Variants in PPA2 observed in about 807,000 individuals in gnomAD.
PPA2 encodes inorganic pyrophosphatase 2.
In PPA2, 48 loss-of-function variants were observed where a neutral mutation model predicts 49.5. That is an observed-to-expected ratio of 0.97 (90% CI 0.77 to 1.23). The LOEUF (loss-of-function observed/expected upper bound fraction) is 1.23. PPA2 is among the 50% of genes most tolerant of loss of function. The pLI is 0.00. For synonymous variants in PPA2, 131 were observed against 139.9 expected (o/e 0.94, Z 0.45); for missense variants, 429 against 410.1 (o/e 1.05, Z -0.40).
At chr4:105,401,061 T>C (rs1005382045) in intron 7 of PPA2, among the ~76,000 whole-genome samples, 1 of 152,146 alleles carries the variant, frequency 6.6e-6, no homozygotes, top group South Asian at 2.1e-4. Flanking sequence ...CAAATTCTTA[T>C]ATCCAATGCC....
At chr4:105,375,483 A>T (rs935338441) in intron 10 of PPA2, among the ~76,000 whole-genome samples, 1 of 152,112 alleles carries the variant, frequency 6.6e-6, no homozygotes, top group Non-Finnish European at 1.5e-5. Context: ...TTGTAGTGTG[A>T]TCTTACTAGA....
intron 1 of PPA2, among the ~76,000 whole-genome samples, chr4:105,464,241 T>C (rs1275137304): frequency 1.3e-5 from 2 of 152,178 alleles, no homozygotes; most frequent in Non-Finnish European, 2.9e-5. Flanking sequence ...ATTTGGAGCT[T>C]TAATATTTGA....
chr4:105,400,664 G>A (rs751525250), intron 7 of PPA2, among the ~76,000 whole-genome samples: 3 of 152,064 alleles, frequency 2.0e-5, no homozygotes, highest in Admixed American at 6.6e-5. Flanking sequence ...TGACTTCATC[G>A]TTGTACCTTA....
intron 10 of PPA2, among the ~76,000 whole-genome samples, chr4:105,381,227 A>G (rs1733476269): frequency 1.3e-5 from 2 of 151,722 alleles, no homozygotes; most frequent in Non-Finnish European, 2.9e-5. Flanking sequence ...ATTTTTTTCT[A>G]CTGGGTTATC....
At chr4:105,430,505 G>A (rs1428154822) in intron 6 of PPA2, among the ~76,000 whole-genome samples, 3 of 152,138 alleles carry the variant, frequency 2.0e-5, no homozygotes, top group Admixed American at 6.5e-5. Flanking sequence ...CCCCAGGGCC[G>A]AACAGCATAT....
chr4:105,430,760 G>C (rs980766212), intron 6 of PPA2, among the ~76,000 whole-genome samples: 2 of 152,166 alleles, frequency 1.3e-5, no homozygotes, highest in African/African-American at 4.8e-5. Flanking sequence ...GATAAGGGTA[G>C]TGAAATATTT....
At chr4:105,434,782 A>T (rs1432981258) in intron 6 of PPA2, among the ~76,000 whole-genome samples, 1 of 152,208 alleles carries the variant, frequency 6.6e-6, no homozygotes, top group Non-Finnish European at 1.5e-5. Flanking sequence ...CCTCAGAATG[A>T]GACACACTCT....
intron 7 of PPA2, among the ~76,000 whole-genome samples, chr4:105,408,699 A>C (rs1236636119): frequency 6.6e-6 from 1 of 152,232 alleles, no homozygotes; most frequent in African/African-American, 2.4e-5. Flanking sequence ...AAAAATGGCA[A>C]AATTCCAAGT....
intron 7 of PPA2, among the ~76,000 whole-genome samples, chr4:105,421,275 A>C (rs900658610): frequency 2.0e-5 from 3 of 152,226 alleles, no homozygotes; most frequent in African/African-American, 7.2e-5. Flanking sequence ...GCATAAATTA[A>C]GAAATATAAG....
At chr4:105,377,686 G>A (rs1016766727) in intron 10 of PPA2, among the ~76,000 whole-genome samples, 6 of 151,910 alleles carry the variant, frequency 3.9e-5, no homozygotes, top group African/African-American at 1.5e-4. Flanking sequence ...TTTCTCCATG[G>A]CTCTTATAAA....
At position 105,369,573 on chromosome 4, in the gene PPA2, T is replaced by A; in HGVS notation, c.*152A>T. On this transcript the variant is annotated 3_prime_UTR_variant, in exon 12 of 12. Transcript: ENST00000341695. ...TGTCCAAAGGAGAGTAATTTAAAATTCTTACTGTTTATTTATATATTGCAT... is the reference window on the plus strand; with the variant it reads ...TGTCCAAAGGAGAGTAATTTAAAATACTTACTGTTTATTTATATATTGCAT... 1.5e-6 allele frequency: 1 copy of A among 655,444 alleles called. No homozygotes were observed. Among genetic ancestry groups the A allele is most frequent in the Non-Finnish European group, 2.6e-6 (1 of 386,222 alleles). The allele number at this position is 655,444 out of a possible 1,614,324, so 40.6% of individuals were successfully genotyped here.
chr4:105,406,730 T>C (rs1440648875), intron 7 of PPA2, among the ~76,000 whole-genome samples: 1 of 152,120 alleles, frequency 6.6e-6, no homozygotes, highest in Admixed American at 6.6e-5. Context: ...TTTTGCAACC[T>C]GAGAATATTG....
intron 3 of PPA2, among the ~76,000 whole-genome samples, chr4:105,451,289 C>G (rs1722667126): frequency 6.6e-6 from 1 of 152,064 alleles, no homozygotes; most frequent in Admixed American, 6.6e-5. Flanking sequence ...GCTATTTACA[C>G]AATTAAATGT....
chr4:105,453,550 A>T, intron 3 of PPA2, 48 bp downstream of exon 3: 1 of 1,384,846 alleles, frequency 7.2e-7, no homozygotes, highest in Admixed American at 2.1e-5. Flanking sequence ...AAGGTATTTA[A>T]CAGACAATAT....
chr4:105,401,557 T>A (rs1722194282), intron 7 of PPA2, among the ~76,000 whole-genome samples: 1 of 152,156 alleles, frequency 6.6e-6, no homozygotes, highest in African/African-American at 2.4e-5. Context: ...TTGTAGGACA[T>A]CTTTGATTAG....
chr4:105,423,680 A>C (rs1172252743), intron 7 of PPA2, among the ~76,000 whole-genome samples: 1 of 152,162 alleles, frequency 6.6e-6, no homozygotes, highest in Admixed American at 6.5e-5. Context: ...AGAACTTAAA[A>C]TTTCTAGGAC....
intron 5 of PPA2, chr4:105,446,134 AT>A (rs550494285): frequency 7.2e-4 from 232 of 321,064 alleles, no homozygotes; most frequent in African/African-American, 4.7e-3. Context: ...AAAAAAAAAA[AT>A]GTATTCAAAA....
chr4:105,414,813 C>T (rs1054418734), intron 7 of PPA2, among the ~76,000 whole-genome samples: 5 of 152,134 alleles, frequency 3.3e-5, no homozygotes, highest in East Asian at 3.9e-4. Flanking sequence ...GAGTGCTTCT[C>T]CCGTACAGAA....
chr4:105,461,657 A>G (rs1723097162), intron 1 of PPA2, among the ~76,000 whole-genome samples: 1 of 152,246 alleles, frequency 6.6e-6, no homozygotes, highest in Admixed American at 6.5e-5. Flanking sequence ...AAGGAGACCC[A>G]TTCAGTCAAC....
Sources: gnomAD v4.1 joint callset for allele counts (sites outside exome capture counted in the v4.1 genomes callset) on GRCh38, gnomAD v4.1.1 for gene constraint, MANE v1.5 for transcripts, NCBI Gene and HGNC (gene_info 2026-07-23, HGNC 2026-07-21) for gene names.